The following ANKRD13C variants were observed in gnomAD, a reference collection of about 807,000 sequenced individuals.
ANKRD13C encodes ankyrin repeat domain 13C.
A neutral mutation model predicts 65.5 loss-of-function variants in ANKRD13C; 16 were observed. The ratio of observed to expected loss-of-function variants is 0.24; its 90% CI spans 0.17 to 0.37. ANKRD13C has a LOEUF of 0.37. ANKRD13C is among the 10% of genes least tolerant of loss of function. The pLI is 1.00. For missense variants in ANKRD13C, 503 were observed against 655.9 expected, an observed-to-expected ratio of 0.77 and a Z score of 2.55; for synonymous variants, 235 against 238.7, an observed-to-expected ratio of 0.98 and a Z score of 0.14.
chr1:70,292,590 TA>T (rs1304087285), intron 8 of ANKRD13C, 41 bp from the exon 9 acceptor site: 5 of 1,456,916 alleles, frequency 3.4e-6, no homozygotes, highest in South Asian at 2.6e-5. Flanking sequence ...ATTTTTAGGT[TA>T]AAAAAAGTGT....
intron 1 of ANKRD13C, among the ~76,000 whole-genome samples, chr1:70,347,739 G>A (rs1438869895): frequency 6.6e-6 from 1 of 152,120 alleles, no homozygotes; most frequent in Admixed American, 6.6e-5. Flanking sequence ...ACATGGGGAA[G>A]AAAGACAAGA....
Position 70,262,102 on chromosome 1 carries a change from A to G in ANKRD13C, c.*615T>C, listed in dbSNP as rs1181296028. 6.6e-6 allele frequency: 1 copy of G among 152,628 alleles called. No homozygotes were observed. The highest frequency in any genetic ancestry group is 1.5e-5 in the Non-Finnish European group (1 of 68,006). 9.5% of individuals were successfully genotyped at this position (152,628 alleles called of 1,614,324 possible). A position where few individuals can be genotyped will look rare whatever the true frequency, so the allele number is the denominator to read the frequency against. On this transcript the variant is annotated 3_prime_UTR_variant, in exon 13 of 13. Transcript: ENST00000370944. ...GAACGCTCCTTCTGAAATGTATTGCAACATATAAATGCAATTGTTTAATGG... is the reference window on the plus strand; with the variant it reads ...GAACGCTCCTTCTGAAATGTATTGCGACATATAAATGCAATTGTTTAATGG...
Position 70,262,851 on chromosome 1 carries a change from CAG to C in ANKRD13C, c.1496-6_1496-5del, listed in dbSNP as rs1203132643. ...ATTGTGGGAAACACAGGTATATCTACAGAGAGAACATCAATGATAGCATTGTA... is the reference window on the plus strand; with the variant it reads ...ATTGTGGGAAACACAGGTATATCTACAGAGAACATCAATGATAGCATTGTA... On this transcript the variant is annotated splice_region_variant and splice_polypyrimidine_tract_variant and intron_variant, in intron 12 of 12. Coordinates refer to ENST00000370944, the MANE Select transcript of ANKRD13C (RefSeq NM_030816.5). 2 of 1,592,712 alleles carry C rather than the reference CAG, an allele frequency of 1.3e-6. No homozygotes were observed. Among genetic ancestry groups the C allele is most frequent in the African/African-American group, 1.4e-5 (1 of 72,736 alleles).
chr1:70,264,667 A>G (rs1307244238), intron 12 of ANKRD13C, among the ~76,000 whole-genome samples: 1 of 152,128 alleles, frequency 6.6e-6, no homozygotes, highest in East Asian at 1.9e-4. Flanking sequence ...TTTCAGACAA[A>G]GTTTGCTGAC....
At chr1:70,273,097 G>A (rs1678967412) in intron 11 of ANKRD13C, among the ~76,000 whole-genome samples, 1 of 152,076 alleles carries the variant, frequency 6.6e-6, no homozygotes, top group Non-Finnish European at 1.5e-5. Flanking sequence ...ATGTGTAGGT[G>A]TGGCTAACTC....
At chr1:70,302,006 C>T (rs552950287) in intron 6 of ANKRD13C, among the ~76,000 whole-genome samples, 73 of 152,150 alleles carry the variant, frequency 4.8e-4, no homozygotes, top group Non-Finnish European at 9.0e-4. Flanking sequence ...TCTAATGCAA[C>T]TGTAAGAATT....
chr1:70,284,460 TC>T (rs1245140583), intron 9 of ANKRD13C, among the ~76,000 whole-genome samples: 1 of 152,138 alleles, frequency 6.6e-6, no homozygotes, highest in African/African-American at 2.4e-5. Context: ...AATAACATAT[TC>T]CCAGGATTAT....
Position 70,354,535 on chromosome 1 carries a change from G to T in ANKRD13C, c.-127C>A, listed in dbSNP as rs1474336847. 2.8e-6 allele frequency: 4 copies of T among 1,440,306 alleles called. No individual in the cohort carries two copies. Among genetic ancestry groups the T allele is most frequent in the Non-Finnish European group, 2.7e-6 (3 of 1,102,420 alleles). 89.2% of individuals were successfully genotyped at this position (1,440,306 alleles called of 1,614,324 possible). A position where few individuals can be genotyped will look rare whatever the true frequency, so the allele number is the denominator to read the frequency against. On this transcript the variant is annotated 5_prime_UTR_variant, in exon 1 of 13. Transcript: ENST00000370944. The stretch of plus-strand genomic sequence containing the variant: ...CCAGCGCAGCATGAACTCCCACTGA[G>T]CCCCCGAGCCTGGGACAAACGCATC...
At chr1:70,324,457 T>C (rs1421451211) in intron 3 of ANKRD13C, among the ~76,000 whole-genome samples, 2 of 152,206 alleles carry the variant, frequency 1.3e-5, no homozygotes, top group Admixed American at 6.5e-5. Flanking sequence ...GCAAAATCTA[T>C]ACCTACCAAC....
intron 9 of ANKRD13C, among the ~76,000 whole-genome samples, chr1:70,289,966 C>A (rs1435317604): frequency 6.6e-6 from 1 of 152,156 alleles, no homozygotes; most frequent in East Asian, 1.9e-4. Flanking sequence ...TAATTCATCT[C>A]CATTTCTATT....
At chr1:70,335,246 A>C (rs563549198) in intron 2 of ANKRD13C, among the ~76,000 whole-genome samples, 1 of 152,030 alleles carries the variant, frequency 6.6e-6, no homozygotes, top group South Asian at 2.1e-4. Flanking sequence ...CTCTACTAAA[A>C]ACACAAAAAA....
Position 70,318,690 on chromosome 1 carries a change from T to TTG in ANKRD13C, c.578-3125_578-3124insCA, listed in dbSNP as rs1240815717. 7.7e-4 allele frequency among the ~76,000 whole-genome samples: 113 copies of TTG among 146,848 alleles called. No individual in the cohort carries two copies. The Middle Eastern group carries it at 0.014, about 18-fold the overall frequency. On this transcript the variant is annotated intron_variant, in intron 3 of 12. Coordinates refer to ENST00000370944, the MANE Select transcript of ANKRD13C (RefSeq NM_030816.5). ...TTAAATCAATCTTTGTTTTTTTTTT[T>TTG]TTTTTTTTTTTGAGACGGAGTCTCG... is the stretch of plus-strand genomic sequence containing the variant.
At chr1:70,308,160 T>C (rs1454377899) in intron 5 of ANKRD13C, among the ~76,000 whole-genome samples, 1 of 152,072 alleles carries the variant, frequency 6.6e-6, no homozygotes, top group Non-Finnish European at 1.5e-5. Context: ...TTATATCTCA[T>C]TACTTATTTA....
intron 9 of ANKRD13C, among the ~76,000 whole-genome samples, chr1:70,285,629 A>AAT (rs1679589592): frequency 6.9e-6 from 1 of 144,256 alleles, no homozygotes; most frequent in African/African-American, 2.6e-5. Context: ...AGAGTTAAAC[A>AAT]CTTTTTTTTT....
intron 9 of ANKRD13C, among the ~76,000 whole-genome samples, chr1:70,281,531 G>C (rs1038146137): frequency 6.6e-6 from 1 of 150,900 alleles, no homozygotes; most frequent in East Asian, 2.0e-4. Flanking sequence ...GCCTCCTGAG[G>C]AGCTGGGACT....
chr1:70,272,597 T>C lies in ANKRD13C; in HGVS notation c.1395-1641A>G, dbSNP rs532838033. On this transcript the variant is annotated intron_variant, in intron 11 of 12. Transcript: ENST00000370944. ...AAATTCTAAGATATTCTTTTTTTTT[T>C]TCATGTAACATATCTGAAATTAGGA... Among the ~76,000 whole-genome samples, 374 of 152,278 alleles carry C rather than the reference T, an allele frequency of 2.5e-3. 4 individuals are homozygous for C. Among genetic ancestry groups the C allele is most frequent in the African/African-American group, 8.6e-3 (357 of 41,560 alleles).
intron 9 of ANKRD13C, among the ~76,000 whole-genome samples, chr1:70,277,285 G>A (rs1408974068): frequency 1.3e-5 from 2 of 152,034 alleles, no homozygotes; most frequent in African/African-American, 2.4e-5. Flanking sequence ...GTGAAACCCC[G>A]TCTTTACTAA....
At chr1:70,327,433 T>G (rs1353779903) in intron 2 of ANKRD13C, among the ~76,000 whole-genome samples, 1 of 152,102 alleles carries the variant, frequency 6.6e-6, no homozygotes, top group Non-Finnish European at 1.5e-5. Flanking sequence ...AGTTAACTGG[T>G]CAAGACTTTT....
intron 5 of ANKRD13C, among the ~76,000 whole-genome samples, chr1:70,308,841 CAT>C (rs1480790411): frequency 6.6e-6 from 1 of 150,880 alleles, no homozygotes; most frequent in African/African-American, 2.4e-5. Context: ...CATTCCAAAA[CAT>C]AGCAATTTAC....
Sources: gnomAD v4.1 joint callset for allele counts (sites outside exome capture counted in the v4.1 genomes callset) on GRCh38, gnomAD v4.1.1 for gene constraint, MANE v1.5 for transcripts, NCBI Gene and HGNC (gene_info 2026-07-23, HGNC 2026-07-21) for gene names.